Variants in TBXAS1 observed in about 807,000 individuals in gnomAD.
The protein encoded by TBXAS1 is thromboxane-A synthase.
In TBXAS1, 48 loss-of-function variants were observed where a neutral mutation model predicts 60.7. The ratio of observed to expected loss-of-function variants is 0.79; its 90% CI spans 0.63 to 1.01. The LOEUF (loss-of-function observed/expected upper bound fraction) is 1.01, where lower values mean the gene tolerates loss of function less well. Among genes scored for constraint, TBXAS1 ranks in the 50% least tolerant of loss-of-function variants. TBXAS1 has a pLI of 0.00. For synonymous variants in TBXAS1, 287 were observed against 269.7 expected, an observed-to-expected ratio of 1.06 and a Z score of -0.63; for missense variants, 685 against 686.3, an observed-to-expected ratio of 1.00 and a Z score of 0.02.
intron 4 of TBXAS1, among the ~76,000 whole-genome samples, chr7:139,798,350 C>T (rs766997447): frequency 6.6e-6 from 1 of 152,168 alleles, no homozygotes; most frequent in Non-Finnish European, 1.5e-5. Flanking sequence ...GAGGAGAAAA[C>T]AGGGAGATTC....
chr7:140,003,839 G>T (rs1261484973), intron 9 of TBXAS1, among the ~76,000 whole-genome samples: 2 of 152,168 alleles, frequency 1.3e-5, no homozygotes, highest in Non-Finnish European at 1.5e-5. Context: ...ATGGAATTCA[G>T]AATGTTGCTA....
intron 5 of TBXAS1, among the ~76,000 whole-genome samples, chr7:139,950,574 G>A (rs932966932): frequency 2.0e-5 from 3 of 152,100 alleles, no homozygotes; most frequent in African/African-American, 7.2e-5. Context: ...CGTCCATAGC[G>A]CTGTCCAGGC....
chr7:139,971,021 T>A (rs1811156625), intron 9 of TBXAS1, among the ~76,000 whole-genome samples: 1 of 152,118 alleles, frequency 6.6e-6, no homozygotes, highest in Admixed American at 6.5e-5. Context: ...AAAGAGCATG[T>A]CTCTGATGCC....
intron 3 of TBXAS1, among the ~76,000 whole-genome samples, chr7:139,895,926 GA>G (rs1469295326): frequency 6.6e-6 from 1 of 152,184 alleles, no homozygotes; most frequent in Non-Finnish European, 1.5e-5. Context: ...CCAAGTTTTA[GA>G]AAATGACCAG....
At chr7:139,899,489 C>T (rs753332924) in intron 3 of TBXAS1, among the ~76,000 whole-genome samples, 8 of 152,212 alleles carry the variant, frequency 5.3e-5, no homozygotes, top group Non-Finnish European at 1.0e-4. Context: ...GAGAAAACCA[C>T]TAATTAAACA....
intron 11 of TBXAS1, among the ~76,000 whole-genome samples, chr7:140,016,064 C>G (rs556159939): frequency 1.8e-4 from 27 of 152,300 alleles, no homozygotes; most frequent in Non-Finnish European, 3.8e-4. Context: ...CGTGGTGGCT[C>G]ATGCCTGTAA....
chr7:139,979,759 AT>A (rs1457534234), intron 9 of TBXAS1, among the ~76,000 whole-genome samples: 24 of 144,894 alleles, frequency 1.7e-4, no homozygotes, highest in Middle Eastern at 3.8e-3. Context: ...AATAATAATA[AT>A]AATAATAAAT....
intron 1 of TBXAS1, among the ~76,000 whole-genome samples, chr7:139,845,756 G>T (rs151298328): frequency 2.0e-5 from 3 of 151,818 alleles, no homozygotes; most frequent in Non-Finnish European, 2.9e-5. Context: ...ATTTCTGGCC[G>T]TGTGCCACTG....
intron 5 of TBXAS1, among the ~76,000 whole-genome samples, chr7:139,945,139 G>A (rs187660674): frequency 1.3e-5 from 2 of 152,326 alleles, no homozygotes; most frequent in East Asian, 1.9e-4. Context: ...GGCTTTCTTG[G>A]GAATGGGATG....
chr7:139,955,925 T>C (rs1271369857), intron 7 of TBXAS1, among the ~76,000 whole-genome samples: 2 of 152,090 alleles, frequency 1.3e-5, no homozygotes, highest in African/African-American at 4.8e-5. Flanking sequence ...ATGAGAAAAA[T>C]ATTCTTGTCC....
At chr7:139,968,584 C>T (rs1297705761) in intron 9 of TBXAS1, among the ~76,000 whole-genome samples, 1 of 152,204 alleles carries the variant, frequency 6.6e-6, no homozygotes, top group East Asian at 1.9e-4. Flanking sequence ...CGTGAGCCAC[C>T]GCGCCCGGCT....
intron 9 of TBXAS1, among the ~76,000 whole-genome samples, chr7:139,990,148 C>T (rs1812778673): frequency 6.6e-6 from 1 of 152,222 alleles, no homozygotes; most frequent in South Asian, 2.1e-4. Flanking sequence ...TCCTCTCCTC[C>T]CCCAGGCCAG....
At chr7:139,904,993 TTCTCTCTTTC>T (rs773804693) in intron 3 of TBXAS1, among the ~76,000 whole-genome samples, 1 of 125,442 alleles carries the variant, frequency 8.0e-6, no homozygotes, top group African/African-American at 3.4e-5. Context: ...CTTTCTCTCT[TTCTCTCTTTC>T]TCTCTTTCTT....
At chr7:139,951,842 A>G (rs41731) in intron 5 of TBXAS1, among the ~76,000 whole-genome samples, 22,339 of 36,444 alleles carry the variant, frequency 0.61, 5,237 homozygotes, top group Non-Finnish European at 0.64. Flanking sequence ...AAAGAAAGAA[A>G]GAAGGAAGGA....
At chr7:139,990,410 C>T (rs375806130) in intron 9 of TBXAS1, among the ~76,000 whole-genome samples, 2 of 152,188 alleles carry the variant, frequency 1.3e-5, no homozygotes, top group East Asian at 1.9e-4. Flanking sequence ...TGTCTCCTGG[C>T]GGAAGGGGCA....
intron 9 of TBXAS1, among the ~76,000 whole-genome samples, chr7:140,006,008 G>A (rs1585044520): frequency 6.6e-6 from 1 of 152,216 alleles, no homozygotes; most frequent in East Asian, 1.9e-4. Flanking sequence ...GCTGTGAAGG[G>A]CTCCCCCTGC....
At chr7:139,797,533 ATAAAC>A (rs1797604743) in intron 4 of TBXAS1, 1 of 152,250 alleles carries the variant, frequency 6.6e-6, no homozygotes, top group Non-Finnish European at 1.5e-5. Context: ...CACAAAGACT[ATAAAC>A]TAACTTCACC....
intron 9 of TBXAS1, among the ~76,000 whole-genome samples, chr7:139,965,035 A>G (rs1282234667): frequency 1.3e-5 from 2 of 152,210 alleles, no homozygotes; most frequent in African/African-American, 4.8e-5. Context: ...CCTGACCAAC[A>G]CAGTAAAACT....
intron 5 of TBXAS1, among the ~76,000 whole-genome samples, chr7:139,939,238 C>T (rs1384022082): frequency 1.3e-5 from 2 of 151,928 alleles, no homozygotes; most frequent in Admixed American, 6.6e-5. Flanking sequence ...GTGGCAGGCA[C>T]CTGTAACCCC....
Sources: gnomAD v4.1 joint callset for allele counts (sites outside exome capture counted in the v4.1 genomes callset) on GRCh38, gnomAD v4.1.1 for gene constraint, MANE v1.5 for transcripts, NCBI Gene and HGNC (gene_info 2026-07-23, HGNC 2026-07-21) for gene names.